The following RBFOX1 variants were observed in gnomAD, a reference collection of about 807,000 sequenced individuals.
RBFOX1 encodes RNA binding protein fox-1 homolog 1.
In RBFOX1, 8 loss-of-function variants were observed where a neutral mutation model predicts 57.7. The observed-to-expected ratio is 0.14, with a 90% CI of 0.08 to 0.25. The LOEUF (loss-of-function observed/expected upper bound fraction) is 0.25. Ranked by LOEUF, RBFOX1 falls within the 10% of genes least tolerant of loss-of-function variation. RBFOX1 has a pLI of 1.00. For synonymous variants in RBFOX1, 326 were observed against 222.4 expected, an observed-to-expected ratio of 1.47 and a Z score of -4.15; for missense variants, 611 against 548.5, an observed-to-expected ratio of 1.11 and a Z score of -1.14.
At chr16:5,663,562 T>A (rs1243435937) in intron 3 of RBFOX1, among the ~76,000 whole-genome samples, 1 of 152,144 alleles carries the variant, frequency 6.6e-6, no homozygotes, top group East Asian at 1.9e-4. Context: ...GACCAGTTGT[T>A]GAGAGTGCAG....
intron 3 of RBFOX1, among the ~76,000 whole-genome samples, chr16:6,962,199 A>G (rs56299707): frequency 3.4e-4 from 52 of 152,020 alleles, no homozygotes; most frequent in African/African-American, 1.3e-3. Context: ...GAATGACTCC[A>G]ACTCTGCTTG....
At chr16:7,032,985 A>T (rs1171897878) in intron 3 of RBFOX1, among the ~76,000 whole-genome samples, 1 of 152,178 alleles carries the variant, frequency 6.6e-6, no homozygotes, top group East Asian at 1.9e-4. Context: ...GAATAACGCT[A>T]AATGGCTGGA....
chr16:6,118,389 G>A (rs951570036), intron 1 of RBFOX1, among the ~76,000 whole-genome samples: 3 of 152,150 alleles, frequency 2.0e-5, no homozygotes, highest in African/African-American at 7.2e-5. Flanking sequence ...AGGATGGAAA[G>A]TCCAAAATCA....
chr16:6,493,012 A>G (rs10431950), intron 2 of RBFOX1, among the ~76,000 whole-genome samples: 125,111 of 152,160 alleles, frequency 0.82, 52,026 homozygotes, highest in Non-Finnish European at 0.89. Flanking sequence ...TTTTAAGATT[A>G]CACCTTTATT....
intron 4 of RBFOX1, among the ~76,000 whole-genome samples, chr16:7,211,069 C>G (rs1249024051): frequency 7.3e-6 from 1 of 137,386 alleles, no homozygotes; most frequent in Non-Finnish European, 1.5e-5. Context: ...TGTTGTATAC[C>G]TTAGATACAT....
At chr16:7,200,726 G>A (rs959710177) in intron 4 of RBFOX1, among the ~76,000 whole-genome samples, 8 of 152,178 alleles carry the variant, frequency 5.3e-5, no homozygotes, top group Non-Finnish European at 8.8e-5. Flanking sequence ...TTAGCAGAGA[G>A]GGATCCCCAT....
chr16:5,385,592 G>C (rs1001374491), intron 1 of RBFOX1, among the ~76,000 whole-genome samples: 1 of 152,190 alleles, frequency 6.6e-6, no homozygotes, highest in Non-Finnish European at 1.5e-5. Flanking sequence ...TGGGCTGTCA[G>C]TGTCCCTTAT....
intron 3 of RBFOX1, among the ~76,000 whole-genome samples, chr16:7,043,129 C>T (rs566838315): frequency 6.8e-6 from 1 of 147,732 alleles, no homozygotes; most frequent in Admixed American, 6.8e-5. Context: ...TCCTCCCGCC[C>T]AACTCCTATT....
Position 6,336,472 on chromosome 16 carries a change from G to A in RBFOX1, c.-64+19415G>A, listed in dbSNP as rs76414372. Among the ~76,000 whole-genome samples, 186 of 152,092 alleles carry A rather than the reference G, an allele frequency of 1.2e-3. 2 individuals carry two copies. The East Asian group carries it at 0.021, about 17-fold the overall frequency. On this transcript the variant is annotated intron_variant, in intron 2 of 15. Coordinates refer to ENST00000550418, the MANE Select transcript of RBFOX1 (RefSeq NM_018723.4). ...AAGACCCACTGGTAAGTAAATGTCA[G>A]AGCTAGCTTTGAACTTCAGCATTCT...
chr16:6,659,070 A>G (rs2098683687), intron 3 of RBFOX1, among the ~76,000 whole-genome samples: 1 of 151,866 alleles, frequency 6.6e-6, no homozygotes, highest in Admixed American at 6.6e-5. Context: ...TTTGACATTT[A>G]CAGTACCTGT....
chr16:6,275,317 A>G (rs980889128), intron 1 of RBFOX1, among the ~76,000 whole-genome samples: 2 of 152,136 alleles, frequency 1.3e-5, no homozygotes, highest in African/African-American at 4.8e-5. Flanking sequence ...TCTCAAAAAA[A>G]AAAAGAAAAA....
intron 4 of RBFOX1, among the ~76,000 whole-genome samples, chr16:7,062,892 CATTTTTTTTTTTTTTTTTTT>C (rs1210723613): frequency 6.7e-5 from 4 of 59,950 alleles, no homozygotes; most frequent in Admixed American, 4.7e-4. Flanking sequence ...AAATGATCGC[CATTTTTTTTTTTTTTTTTTT>C]TTTTTTTTTT....
intron 3 of RBFOX1, among the ~76,000 whole-genome samples, chr16:5,809,612 A>C (rs929273464): frequency 6.6e-6 from 1 of 152,238 alleles, no homozygotes; most frequent in African/African-American, 2.4e-5. Flanking sequence ...ATGCAAATCA[A>C]AACCACGATG....
intron 1 of RBFOX1, among the ~76,000 whole-genome samples, chr16:6,200,384 G>C (rs2097207517): frequency 6.7e-6 from 1 of 149,850 alleles, no homozygotes; most frequent in Non-Finnish European, 1.5e-5. Context: ...TGATGTGAGT[G>C]AGAGAGAGAG....
intron 3 of RBFOX1, among the ~76,000 whole-genome samples, chr16:6,949,332 C>T (rs909053390): frequency 6.6e-6 from 1 of 152,204 alleles, no homozygotes; most frequent in African/African-American, 2.4e-5. Context: ...TCTTCGCTCA[C>T]CTTTTGTTCC....
chr16:7,267,733 G>A lies in RBFOX1; in HGVS notation c.27+215635G>A, dbSNP rs192418884. On this transcript the variant is annotated intron_variant, in intron 4 of 15. Coordinates refer to ENST00000550418, the MANE Select transcript of RBFOX1 (RefSeq NM_018723.4). Reference sequence around the variant, plus strand: ...TAACTGGTTGTGATAGTGCGTGCCTGTAGTCCCAGCTACTTGGGAGGCTGA... The same window carrying A: ...TAACTGGTTGTGATAGTGCGTGCCTATAGTCCCAGCTACTTGGGAGGCTGA... Among the ~76,000 whole-genome samples the A allele has an allele frequency of 1.1e-4, 17 of 152,234 alleles. No individual in the cohort carries two copies. In the East Asian group the frequency reaches 2.9e-3, roughly 26 times the overall value.
chr16:6,537,833 G>A (rs1017057986), intron 2 of RBFOX1, among the ~76,000 whole-genome samples: 1 of 151,962 alleles, frequency 6.6e-6, no homozygotes, highest in African/African-American at 2.4e-5. Context: ...CAGCAGGAGT[G>A]ATTTTCTTTA....
intron 4 of RBFOX1, among the ~76,000 whole-genome samples, chr16:7,389,120 T>G (rs1371182725): frequency 6.7e-6 from 1 of 149,482 alleles, no homozygotes; most frequent in African/African-American, 2.4e-5. Flanking sequence ...TCTTTGTTCC[T>G]TTTTATTTTT....
intron 4 of RBFOX1, among the ~76,000 whole-genome samples, chr16:7,317,228 A>T (rs758302135): frequency 6.6e-6 from 1 of 152,082 alleles, no homozygotes; most frequent in Non-Finnish European, 1.5e-5. Context: ...CAAGCCTGAG[A>T]TTCATCCCCG....
Sources: allele counts gnomAD v4.1 joint callset (sites outside exome capture counted in the v4.1 genomes callset), GRCh38; gene constraint gnomAD v4.1.1; transcripts MANE v1.5; gene names NCBI Gene and HGNC (gene_info 2026-07-23, HGNC 2026-07-21).